The following GALNT13 variants were observed in gnomAD, a reference collection of about 807,000 sequenced individuals.
The protein encoded by GALNT13 is polypeptide N-acetylgalactosaminyltransferase 13.
A neutral mutation model predicts 64.2 loss-of-function variants in GALNT13; 28 were observed. That is an observed-to-expected ratio of 0.44 (90% CI 0.32 to 0.60). GALNT13 has a LOEUF of 0.60. Ranked by LOEUF, GALNT13 falls within the 20% of genes least tolerant of loss-of-function variation. The pLI, the probability that GALNT13 is intolerant of heterozygous loss-of-function variation, is 0.05. For synonymous variants in GALNT13, 214 were observed against 224.6 expected (o/e 0.95, Z 0.42); for missense variants, 577 against 669.8 (o/e 0.86, Z 1.53).
intron 7 of GALNT13, among the ~76,000 whole-genome samples, chr2:154,254,375 C>T (rs1213697422): frequency 6.6e-6 from 1 of 151,996 alleles, no homozygotes; most frequent in African/African-American, 2.4e-5. Flanking sequence ...GATTTTTGAA[C>T]ATCTATTAAC....
At chr2:153,109,156 T>C in the GALNT13 span, among the ~76,000 whole-genome samples, 2 of 152,132 alleles carry the variant, frequency 1.3e-5, no homozygotes, top group African/African-American at 4.8e-5. Flanking sequence ...GGGATGTTGG[T>C]AATTCACGTA....
rs1014353508 is a variant in GALNT13, at chr2:153,877,511, T to C, written c.-177+5208T>C. Among the ~76,000 whole-genome samples, 11 of 152,296 alleles carry C rather than the reference T, an allele frequency of 7.2e-5. 1 individual carries two copies. The highest frequency in any genetic ancestry group is 9.6e-5 in the African/African-American group (4 of 41,580). On this transcript the variant is annotated intron_variant, in intron 1 of 12. Coordinates refer to ENST00000392825, the MANE Select transcript of GALNT13 (RefSeq NM_052917.4). ...GATAGTAGTAAATGTCAACTTAGTC[T>C]CTTGTCTTATATTAATTGCCTTGAT...
At chr2:153,955,386 A>G (rs1034019242) in intron 3 of GALNT13, among the ~76,000 whole-genome samples, 4 of 152,212 alleles carry the variant, frequency 2.6e-5, no homozygotes, top group Non-Finnish European at 4.4e-5. Flanking sequence ...TTTTATGGAC[A>G]TGTGAAAATT....
intron 9 of GALNT13, among the ~76,000 whole-genome samples, chr2:154,332,372 T>A (rs1559095501): frequency 6.6e-6 from 1 of 151,930 alleles, no homozygotes; most frequent in African/African-American, 2.4e-5. Context: ...TCTCAGTGAG[T>A]CTCCTCAGCA....
intron 9 of GALNT13, among the ~76,000 whole-genome samples, chr2:154,353,497 A>AT (rs1696531511): frequency 6.6e-6 from 1 of 152,136 alleles, no homozygotes; most frequent in Non-Finnish European, 1.5e-5. Flanking sequence ...AATAGTCCTC[A>AT]TGTTGTATAT....
At chr2:153,569,893 G>A in the GALNT13 span, among the ~76,000 whole-genome samples, 1 of 152,074 alleles carries the variant, frequency 6.6e-6, no homozygotes, top group Non-Finnish European at 1.5e-5. Context: ...CTATGTCCAT[G>A]AGGTCAATTG....
At chr2:153,410,857 A>G in the GALNT13 span, among the ~76,000 whole-genome samples, 2 of 151,798 alleles carry the variant, frequency 1.3e-5, no homozygotes, top group African/African-American at 4.8e-5. Flanking sequence ...ACACACACAA[A>G]TATATAAATA....
intron 2 of GALNT13, among the ~76,000 whole-genome samples, chr2:153,940,911 A>G (rs1174448313): frequency 2.0e-5 from 3 of 152,218 alleles, no homozygotes; most frequent in Admixed American, 2.0e-4. Context: ...AATAGCAAGT[A>G]AAATAGATTC....
the GALNT13 span, among the ~76,000 whole-genome samples, chr2:153,343,259 C>T: frequency 1.3e-5 from 2 of 152,046 alleles, no homozygotes; most frequent in South Asian, 4.1e-4. Context: ...TTCTGTATTA[C>T]CATATATCTA....
At chr2:153,858,879 C>A in the GALNT13 span, among the ~76,000 whole-genome samples, 2 of 152,122 alleles carry the variant, frequency 1.3e-5, no homozygotes, top group African/African-American at 4.8e-5. Context: ...ATTACAGGTG[C>A]CTGCCACCAT....
chr2:153,359,830 A>T, the GALNT13 span, among the ~76,000 whole-genome samples: 10 of 152,180 alleles, frequency 6.6e-5, no homozygotes, highest in African/African-American at 2.4e-4. Context: ...ATGCAAGATC[A>T]TATGGGTAAT....
rs181823070 is a variant in GALNT13 at position 154,048,203 on chromosome 2, T to C, written c.143-92134T>C. ...AACTAGATCTCATGCTAACTCACTA[T>C]CACAAGAACAGCACTAGGGGATGGT... On this transcript the variant is annotated intron_variant, in intron 3 of 12. Transcript: ENST00000392825. Among the ~76,000 whole-genome samples, 3 of 152,192 alleles carry C rather than the reference T, an allele frequency of 2.0e-5. No individual in the cohort carries two copies. In the East Asian group the frequency reaches 5.8e-4, roughly 29 times the overall value.
At chr2:153,202,769 G>C in the GALNT13 span, among the ~76,000 whole-genome samples, 4 of 152,028 alleles carry the variant, frequency 2.6e-5, no homozygotes, top group African/African-American at 7.2e-5. Context: ...GGTGTAAATA[G>C]TAAAATATTG....
chr2:154,050,404 A>G (rs1039042085), intron 3 of GALNT13, among the ~76,000 whole-genome samples: 31 of 152,212 alleles, frequency 2.0e-4, no homozygotes, highest in African/African-American at 6.8e-4. Context: ...GTGTCTGTGG[A>G]ATAAACTTTT....
At chr2:154,307,768 A>T (rs1693819824) in intron 9 of GALNT13, among the ~76,000 whole-genome samples, 1 of 152,186 alleles carries the variant, frequency 6.6e-6, no homozygotes, top group Admixed American at 6.6e-5. Context: ...TTTCAGCTTG[A>T]ACCAATCTGA....
chr2:154,087,686 A>G (rs900011150), intron 3 of GALNT13, among the ~76,000 whole-genome samples: 1 of 152,110 alleles, frequency 6.6e-6, no homozygotes, highest in Non-Finnish European at 1.5e-5. Context: ...TAACTTTTGA[A>G]TTCAATACAT....
chr2:153,333,661 A>G, the GALNT13 span, among the ~76,000 whole-genome samples: 2 of 152,356 alleles, frequency 1.3e-5, no homozygotes, highest in African/African-American at 2.4e-5. Flanking sequence ...CCACATCACA[A>G]AAATTTCCTA....
At chr2:153,149,818 G>T in the GALNT13 span, among the ~76,000 whole-genome samples, 1 of 151,832 alleles carries the variant, frequency 6.6e-6, no homozygotes, top group South Asian at 2.1e-4. Flanking sequence ...TACACAAAGA[G>T]TTGGTAGATA....
chr2:153,408,682 A>G, the GALNT13 span, among the ~76,000 whole-genome samples: 4 of 147,902 alleles, frequency 2.7e-5, 1 homozygote, highest in African/African-American at 9.9e-5. Flanking sequence ...TTTGCTAAGG[A>G]TGGGCCTTTT....
Sources: gnomAD v4.1 joint callset for allele counts (sites outside exome capture counted in the v4.1 genomes callset) on GRCh38, gnomAD v4.1.1 for gene constraint, MANE v1.5 for transcripts, NCBI Gene and HGNC (gene_info 2026-07-23, HGNC 2026-07-21) for gene names.